The following CRPPA variants were observed in gnomAD, a reference collection of about 807,000 sequenced individuals.
The protein encoded by CRPPA is CDP-L-ribitol pyrophosphorylase A.
Under a neutral mutation model 52.0 loss-of-function variants are expected in CRPPA, and 43 were observed. The observed-to-expected ratio is 0.83, with a 90% CI of 0.65 to 1.07. The LOEUF (loss-of-function observed/expected upper bound fraction) is 1.07. Ranked by LOEUF, CRPPA falls within the 50% of genes least tolerant of loss-of-function variation. The probability of loss-of-function intolerance (pLI) is 0.00; values close to 1 mark genes in which losing one functional copy is unlikely to be tolerated. For missense variants in CRPPA, 629 were observed against 551.7 expected, an observed-to-expected ratio of 1.14 and a Z score of -1.40; for synonymous variants, 250 against 203.5, an observed-to-expected ratio of 1.23 and a Z score of -1.94.
chr7:16,277,063 C>G (rs1239866386), intron 6 of CRPPA: 1 of 152,164 alleles, frequency 6.6e-6, no homozygotes, highest in Non-Finnish European at 1.5e-5. Flanking sequence ...AGATGCTTCT[C>G]TAAGCACTTT....
intron 5 of CRPPA, among the ~76,000 whole-genome samples, chr7:16,293,191 C>A (rs1285567433): frequency 3.3e-5 from 5 of 151,850 alleles, no homozygotes; most frequent in Non-Finnish European, 7.4e-5. Flanking sequence ...AAATCTGTCT[C>A]CAATTTTCTT....
intron 9 of CRPPA, among the ~76,000 whole-genome samples, chr7:16,151,544 C>A (rs747210377): frequency 6.6e-6 from 1 of 151,754 alleles, no homozygotes; most frequent in Non-Finnish European, 1.5e-5. Context: ...TTATTATATT[C>A]CTAATTCCAA....
At chr7:16,143,150 T>C (rs1489932085) in intron 9 of CRPPA, among the ~76,000 whole-genome samples, 3 of 152,158 alleles carry the variant, frequency 2.0e-5, no homozygotes, top group African/African-American at 7.2e-5. Flanking sequence ...ATTACCACCA[T>C]CACCATTATT....
chr7:16,350,096 G>A lies in CRPPA; in HGVS notation c.684+25996C>T, dbSNP rs574794887. Among the ~76,000 whole-genome samples, 15 of 145,628 alleles carry A rather than the reference G, an allele frequency of 1.0e-4. No homozygotes were observed. The East Asian group carries it at 1.6e-3, about 15-fold the overall frequency. ...TTTTCAGGACAGGAGGGAATTAAAC[G>A]ATATTTTCAAGAACTTAAAAAAAAA... On this transcript the variant is annotated intron_variant, in intron 3 of 9. Transcript: ENST00000407010.
intron 3 of CRPPA, among the ~76,000 whole-genome samples, chr7:16,327,555 T>C (rs1016314120): frequency 7.9e-6 from 1 of 127,090 alleles, no homozygotes; most frequent in African/African-American, 3.0e-5. Flanking sequence ...ATTGCGCCAC[T>C]GCAGTCCGCA....
intron 2 of CRPPA, among the ~76,000 whole-genome samples, chr7:16,392,736 C>G (rs1176119742): frequency 1.3e-5 from 2 of 152,062 alleles, no homozygotes; most frequent in African/African-American, 2.4e-5. Context: ...TTTCTCAATA[C>G]TATATTCACT....
At chr7:16,166,558 G>A (rs1370841098) in intron 9 of CRPPA, among the ~76,000 whole-genome samples, 3 of 152,174 alleles carry the variant, frequency 2.0e-5, no homozygotes, top group Non-Finnish European at 4.4e-5. Flanking sequence ...AGGATTACAA[G>A]TATGAGTCAC....
chr7:16,099,581 C>T (rs1011633608), intron 9 of CRPPA, among the ~76,000 whole-genome samples: 2 of 151,964 alleles, frequency 1.3e-5, no homozygotes, highest in East Asian at 1.9e-4. Flanking sequence ...AAGGCAGCAC[C>T]GATACTTTAC....
intron 1 of CRPPA, 143 bp from the exon 2 acceptor site, chr7:16,406,480 G>A (rs188552858): frequency 9.6e-5 from 64 of 664,724 alleles, no homozygotes; most frequent in African/African-American, 2.0e-4. Flanking sequence ...ATGCATTCTC[G>A]TTAGGTCCAG....
chr7:16,286,041 ATAAATATAT>A (rs1562608396), intron 5 of CRPPA, among the ~76,000 whole-genome samples: 265 of 12,302 alleles, frequency 0.022, 17 homozygotes, highest in East Asian at 0.027. Flanking sequence ...AAAAAAAAAT[ATAAATATAT>A]ATATATATAT....
chr7:16,355,737 C>G (rs191604683), intron 3 of CRPPA, among the ~76,000 whole-genome samples: 2 of 152,300 alleles, frequency 1.3e-5, no homozygotes, highest in Admixed American at 1.3e-4. Context: ...TCTACCAACA[C>G]TGACTGATAG....
intron 5 of CRPPA, among the ~76,000 whole-genome samples, chr7:16,289,116 A>C (rs1784508077): frequency 6.6e-6 from 1 of 152,096 alleles, no homozygotes; most frequent in African/African-American, 2.4e-5. Flanking sequence ...GGAAGTTGTT[A>C]AATTCCAGGA....
At chr7:16,228,097 G>T (rs928200434) in intron 8 of CRPPA, among the ~76,000 whole-genome samples, 2 of 151,790 alleles carry the variant, frequency 1.3e-5, no homozygotes, top group East Asian at 1.9e-4. Context: ...TTGTCTATGT[G>T]TATTTATATA....
At chr7:16,214,340 G>A (rs556618923) in intron 9 of CRPPA, among the ~76,000 whole-genome samples, 2 of 152,172 alleles carry the variant, frequency 1.3e-5, no homozygotes, top group East Asian at 3.9e-4. Context: ...GAGAGTTCCA[G>A]GGATTATTTA....
intron 8 of CRPPA, among the ~76,000 whole-genome samples, chr7:16,242,021 C>T (rs1482055682): frequency 8.0e-6 from 1 of 124,844 alleles, no homozygotes; most frequent in Non-Finnish European, 1.6e-5. Context: ...TGCAGTGGTG[C>T]GATCTCGGTT....
chr7:16,325,575 C>G (rs908658139), intron 3 of CRPPA, among the ~76,000 whole-genome samples: 1 of 152,150 alleles, frequency 6.6e-6, no homozygotes, highest in Non-Finnish European at 1.5e-5. Flanking sequence ...GACTATATAA[C>G]TTTGACAGCA....
intron 8 of CRPPA, among the ~76,000 whole-genome samples, chr7:16,238,588 TAAAAA>T (rs760456260): frequency 6.6e-6 from 1 of 151,928 alleles, no homozygotes; most frequent in Non-Finnish European, 1.5e-5. Flanking sequence ...AAATTGGACA[TAAAAA>T]AGGAGGATAA....
chr7:16,141,146 A>T (rs185749511), intron 9 of CRPPA, among the ~76,000 whole-genome samples: 1 of 152,134 alleles, frequency 6.6e-6, no homozygotes, highest in Non-Finnish European at 1.5e-5. Context: ...TTATAATTCA[A>T]GTGCCATTGG....
chr7:16,389,042 A>G lies in CRPPA; in HGVS notation c.535-12801T>C, dbSNP rs1204417686. On this transcript the variant is annotated intron_variant, in intron 2 of 9. Coordinates refer to ENST00000407010, the MANE Select transcript of CRPPA (RefSeq NM_001101426.4). Reference sequence around the variant, plus strand: ...TGATAAAATTAACATATTCCTAGAAAGACAATTAACCAAAATTAACTTGAT... The same window carrying G: ...TGATAAAATTAACATATTCCTAGAAGGACAATTAACCAAAATTAACTTGAT... Among the ~76,000 whole-genome samples, 2 of 152,222 alleles carry G rather than the reference A, an allele frequency of 1.3e-5. 1 individual carries two copies. The highest frequency in any genetic ancestry group is 2.9e-5 in the Non-Finnish European group (2 of 68,026).
Sources: allele counts gnomAD v4.1 joint callset (sites outside exome capture counted in the v4.1 genomes callset), GRCh38; gene constraint gnomAD v4.1.1; transcripts MANE v1.5; gene names NCBI Gene and HGNC (gene_info 2026-07-23, HGNC 2026-07-21).